IGFN1: variants seen among roughly 807,000 people sequenced by gnomAD.
IGFN1 encodes the protein immunoglobulin-like and fibronectin type III domain-containing protein 1.
Under a neutral mutation model 289.5 loss-of-function variants are expected in IGFN1, and 253 were observed. The ratio of observed to expected loss-of-function variants is 0.87; its 90% confidence interval spans 0.79 to 0.97. The LOEUF (loss-of-function observed/expected upper bound fraction) is 0.97. IGFN1 is among the 50% of genes least tolerant of loss of function. IGFN1 has a pLI of 0.00. For missense variants in IGFN1, 4,470 were observed against 4,686.1 expected, an observed-to-expected ratio of 0.95 and a Z score of 1.35; for synonymous variants, 1,706 against 1,788.5, an observed-to-expected ratio of 0.95 and a Z score of 1.16.
Position 201,201,850 on chromosome 1 carries a change from A to C in IGFN1, c.747+18A>C. On this transcript the variant is annotated intron_variant, in intron 9 of 23. Transcript: ENST00000335211. ...TGTATAAGGTGAGGCTGGAGGGGCT[A>C]TGGGTGGGGGGGATCTGGCAGGGAT... 9 of 639,296 alleles carry C rather than the reference A, an allele frequency of 1.4e-5. No homozygotes were observed. Among genetic ancestry groups the C allele is most frequent in the Admixed American group, 2.2e-5 (1 of 45,766 alleles). 39.6% of individuals were successfully genotyped at this position (639,296 alleles called of 1,614,324 possible). A position where few individuals can be genotyped will look rare whatever the true frequency, so the allele number is the denominator to read the frequency against.
In IGFN1 at chr1:201,211,170, G is replaced by A; in HGVS notation, c.6277G>A (p.Gly2093Arg). The part of the protein sequence containing the change: ...GSKTGFRDGL[G>R]GSEEMESMDE... ...TAAGACAGGTTTCAGGGATGGTTTA[G>A]GGGGTTCTGAAGAAATGGAGTCAAT... The change falls in exon 12 of 24, where the codon GGG becomes AGG. Residue 2093 changes from glycine to arginine, a missense_variant. Gly to Arg is a moderately radical substitution (Grantham distance 125). This residue lies in a region of IGFN1 where 2,218 missense variants were observed against 2,114.1 expected (regional missense o/e 1.05). Coordinates refer to ENST00000335211, the MANE Select transcript of IGFN1 (RefSeq NM_001164586.2). 6.5e-7 allele frequency: 1 copy of A among 1,530,854 alleles called. No individual in the cohort carries two copies. The allele number at this position is 1,530,854 out of a possible 1,614,324, so 94.8% of individuals were successfully genotyped here.
At chr1:201,219,133 C>T (rs117499905) in intron 18 of IGFN1, among the ~76,000 whole-genome samples, 1 of 152,350 alleles carries the variant, frequency 6.6e-6, no homozygotes, top group East Asian at 1.9e-4. Context: ...GGCCAGCCCC[C>T]AAGCTGGCCC....
At position 201,216,561 on chromosome 1, in the gene IGFN1, T is replaced by C. The variant is rs1250982338; in HGVS notation, c.9403T>C (p.Cys3135Arg). 1 of 1,612,900 alleles carries C rather than the reference T, an allele frequency of 6.2e-7. No homozygotes were observed. Among genetic ancestry groups the C allele is most frequent in the African/African-American group, 1.3e-5 (1 of 74,784 alleles). Residue 3135 changes from cysteine to arginine, a missense_variant, in exon 16 of 24, where the codon TGC (cysteine) becomes CGC (arginine). By Grantham distance (180) the Cys-to-Arg change is radical (BLOSUM62 -3). Around this residue, in one of 8 missense-constraint regions of IGFN1, gnomAD observed 2,218 missense variants for 2,114.1 expected, o/e 1.05. Coordinates refer to ENST00000335211, the MANE Select transcript of IGFN1 (RefSeq NM_001164586.2). ...GGACAATGGGGGCCGGACTGTAGAG[T>C]GCTACGTGGTGGAGAGACGGCAGGC... ...PRDNGGRTVE[C>R]YVVERRQAGR...
At chr1:201,201,597 G>T in intron 8 of IGFN1, 122 bp from the exon 9 acceptor site, 1 of 595,426 alleles carries the variant, frequency 1.7e-6, no homozygotes. Flanking sequence ...TGTAAAAGGG[G>T]CCAATGCATG....
rs774042254 is a variant in IGFN1, at chr1:201,226,027, G to T, written c.10690G>T (p.Gly3564Cys). ...NRFTLLGILP[G>C]HEYHFRVVAK... is the part of the protein sequence containing the mutation. The stretch of plus-strand genomic sequence containing the variant: ...CTTCACCCTCCTGGGCATCCTCCCC[G>T]GCCACGAATACCACTTCAGGGTGGT... The change falls in exon 22 of 24, where the codon GGC becomes TGC. Residue 3564 changes from glycine to cysteine, a missense_variant. By Grantham distance (159) the Gly-to-Cys change is radical (BLOSUM62 -3). Around this residue, in one of 8 missense-constraint regions of IGFN1, gnomAD observed 2,218 missense variants for 2,114.1 expected, o/e 1.05. Coordinates refer to ENST00000335211, the MANE Select transcript of IGFN1 (RefSeq NM_001164586.2). 3.2e-6 allele frequency: 5 copies of T among 1,585,272 alleles called. No individual in the cohort carries two copies. In the Admixed American group the frequency reaches 6.9e-5, roughly 22 times the overall value.
At chr1:201,193,513 G>A (rs552750821) in intron 2 of IGFN1, among the ~76,000 whole-genome samples, 179 of 152,068 alleles carry the variant, frequency 1.2e-3, no homozygotes, top group African/African-American at 4.1e-3. Flanking sequence ...GTACAGTGAC[G>A]CGATCTCAGC....
intron 19 of IGFN1, chr1:201,222,124 A>T: frequency 5.7e-6 from 1 of 174,686 alleles, no homozygotes; most frequent in Non-Finnish European, 1.2e-5. Context: ...TGGCCTTCGA[A>T]GGCCTAAGGG....
Position 201,211,503 on chromosome 1 carries a change from G to T in IGFN1, c.6610G>T (p.Glu2204Ter). The change falls in exon 12 of 24, where the codon GAA (glutamate) becomes TAA (stop). Residue 2204 changes from glutamate (E) to a stop codon, truncating the protein, a stop_gained. Coordinates refer to ENST00000335211, the MANE Select transcript of IGFN1 (RefSeq NM_001164586.2). LOFTEE classifies it high-confidence loss of function. ...AGFRDGLGGSEEMGSVNKAGY... is the reference protein window; with the variant it reads ...AGFRDGLGGS ...TTTCAGGGATGGTTTAGGGGGTTCTGAAGAAATGGGGTCAGTGAATAAGGC... is the reference window on the plus strand; with the variant it reads ...TTTCAGGGATGGTTTAGGGGGTTCTTAAGAAATGGGGTCAGTGAATAAGGC... The T allele has an allele frequency of 2.0e-6, 3 of 1,500,386 alleles. No individual in the cohort carries two copies. Among genetic ancestry groups the T allele is most frequent in the Non-Finnish European group, 2.7e-6 (3 of 1,126,808 alleles). 92.9% of individuals were successfully genotyped at this position (1,500,386 alleles called of 1,614,324 possible). A position where few individuals can be genotyped will look rare whatever the true frequency, so the allele number is the denominator to read the frequency against.
In IGFN1 at chr1:201,194,281, C is replaced by T. The variant is rs546318729; in HGVS notation, c.127+8C>T. Reference sequence around the variant, plus strand: ...CCTCGGCTCTGCCAGAGGGTGAGCCCAGAGGGGAGCTGCGGAGGGGAGGCA... The same window carrying T: ...CCTCGGCTCTGCCAGAGGGTGAGCCTAGAGGGGAGCTGCGGAGGGGAGGCA... On this transcript the variant is annotated splice_region_variant and intron_variant, in intron 3 of 23. Transcript: ENST00000335211. 2.6e-6 allele frequency: 4 copies of T among 1,551,036 alleles called. No homozygotes were observed. The African/African-American group carries it at 5.5e-5, about 21-fold the overall frequency.
chr1:201,225,703 G>A lies in IGFN1; in HGVS notation c.10487-121G>A, dbSNP rs148056267. 9.1e-4 allele frequency: 731 copies of A among 801,372 alleles called. 12 individuals carry two copies. In the East Asian group the frequency reaches 0.021, roughly 23 times the overall value. The allele number at this position is 801,372 out of a possible 1,614,324, so 49.6% of individuals were successfully genotyped here. A position where few individuals can be genotyped will look rare whatever the true frequency, so the allele number is the denominator to read the frequency against. On this transcript the variant is annotated intron_variant, in intron 21 of 23. Coordinates refer to ENST00000335211, the MANE Select transcript of IGFN1 (RefSeq NM_001164586.2). ...GCTGGCCAAGCTTACTCTGGGTCCA[G>A]CTACTTGTGTGGCAAGACTGCGTTC...
Position 201,226,070 on chromosome 1 carries a change from G to T in IGFN1, c.10733G>T (p.Gly3578Val). 1 of 1,603,274 alleles carries T rather than the reference G, an allele frequency of 6.2e-7. No homozygotes were observed. The highest frequency in any genetic ancestry group is 8.5e-7 in the Non-Finnish European group (1 of 1,173,288). ...HFRVVAKNELGASKPSDTSQP... is the reference protein window; with the variant it reads ...HFRVVAKNELVASKPSDTSQP... Reference sequence around the variant, plus strand: ...AGGGTGGTGGCCAAGAATGAGCTGGGGGCCAGCAAACCCTCGGACACCAGC... The same window carrying T: ...AGGGTGGTGGCCAAGAATGAGCTGGTGGCCAGCAAACCCTCGGACACCAGC... Residue 3578 changes from glycine to valine, a missense_variant, in exon 22 of 24, where the codon GGG (glycine) becomes GTG (valine). Coordinates refer to ENST00000335211, the MANE Select transcript of IGFN1 (RefSeq NM_001164586.2).
chr1:201,214,940 G>C, intron 13 of IGFN1, 73 bp from the exon 14 acceptor site: 1 of 1,504,762 alleles, frequency 6.6e-7, no homozygotes, highest in South Asian at 1.3e-5. Flanking sequence ...TCAGTAAAGG[G>C]CTCTGGTTAG....
In IGFN1 at chr1:201,209,570, G is replaced by A. The variant is rs1267660209; in HGVS notation, c.4677G>A (p.Gly1559=). ...TDGLGGSEEM[G]SVNKAGYRKD... ...GTTTAGGAGGTTCTGAAGAAATGGGGTCAGTGAATAAGGCAGGTTATAGGA... is the reference window on the plus strand; with the variant it reads ...GTTTAGGAGGTTCTGAAGAAATGGGATCAGTGAATAAGGCAGGTTATAGGA... The change falls in exon 12 of 24, where the codon GGG becomes GGA. Residue 1559 remains glycine (G), a synonymous_variant. Coordinates refer to ENST00000335211, the MANE Select transcript of IGFN1 (RefSeq NM_001164586.2). 3.3e-6 allele frequency: 5 copies of A among 1,526,822 alleles called. No homozygotes were observed. The African/African-American group carries it at 6.9e-5, about 21-fold the overall frequency. 94.6% of individuals were successfully genotyped at this position (1,526,822 alleles called of 1,614,324 possible). A position where few individuals can be genotyped will look rare whatever the true frequency, so the allele number is the denominator to read the frequency against.
chr1:201,209,077 G>T lies in IGFN1; in HGVS notation c.4184G>T (p.Gly1395Val). The stretch of plus-strand genomic sequence containing the variant: ...GGAATGGGTGCAGGTTACAGGGCTG[G>T]TTTAAGGGGTCCTGGGGAGATGGGG... ...PEGMGAGYRA[G>V]LRGPGEMGSL... is the part of the protein sequence containing the mutation. The change falls in exon 12 of 24, where the codon GGT (glycine) becomes GTT (valine). Residue 1395 changes from glycine (G) to valine (V), a missense_variant. By Grantham distance (109) the Gly-to-Val change is moderately radical. Around this residue, in one of 8 missense-constraint regions of IGFN1, gnomAD observed 2,011 missense variants for 1,953.4 expected, o/e 1.03. Coordinates refer to ENST00000335211, the MANE Select transcript of IGFN1 (RefSeq NM_001164586.2). The T allele has an allele frequency of 6.5e-7, 1 of 1,536,718 alleles. No homozygotes were observed. The highest frequency in any genetic ancestry group is 1.4e-5 in the African/African-American group (1 of 72,978).
Position 201,207,423 on chromosome 1 carries a change from C to G in IGFN1, c.2530C>G (p.Pro844Ala). Residue 844 changes from proline to alanine, a missense_variant, in exon 12 of 24, where the codon CCA becomes GCA. Pro to Ala is a conservative substitution (Grantham distance 27). Transcript: ENST00000335211. ...GGGCACAAGTCCTTGGGATGACACA[C>G]CATCTAGCCTCAGAAAAACTGGGGC... ...SKGTSPWDDT[P>A]SSLRKTGAHH... The G allele has an allele frequency of 6.5e-7, 1 of 1,529,898 alleles. No homozygotes were observed. The highest frequency in any genetic ancestry group is 1.2e-5 in the South Asian group (1 of 83,062). 94.8% of individuals were successfully genotyped at this position (1,529,898 alleles called of 1,614,324 possible).
chr1:201,194,083 C>T, intron 2 of IGFN1, 71 bp from the exon 3 acceptor site: 1 of 1,523,386 alleles, frequency 6.6e-7, no homozygotes. Context: ...GGTGGATGCC[C>T]ATTCTGTTGA....
chr1:201,216,186 C>A (rs1041358327), intron 15 of IGFN1: 21 of 601,134 alleles, frequency 3.5e-5, no homozygotes, highest in African/African-American at 5.5e-5. Context: ...TACCAGCCAC[C>A]GGACGGTGGG....
At chr1:201,214,099 C>T (rs1251492384) in intron 12 of IGFN1, 78 bp from the exon 13 acceptor site, 27 of 1,430,916 alleles carry the variant, frequency 1.9e-5, no homozygotes, top group African/African-American at 4.3e-5. Flanking sequence ...TTGGCAGGAC[C>T]ATGGTGGCCT....
At chr1:201,200,470 G>A (rs1291573994) in intron 8 of IGFN1, 59 bp downstream of exon 8, 3 of 1,414,730 alleles carry the variant, frequency 2.1e-6, no homozygotes, top group Admixed American at 2.0e-5. Flanking sequence ...TGGACCATAG[G>A]TGCCTCACAC....
Sources: gnomAD v4.1 joint callset for allele counts (sites outside exome capture counted in the v4.1 genomes callset) on GRCh38, gnomAD v4.1.1 for gene constraint, gnomAD v4.1.1 regional missense constraint, MANE v1.5 for transcripts, NCBI Gene and HGNC (gene_info 2026-07-23, HGNC 2026-07-21) for gene names.